The following DMD variants were observed in gnomAD, a reference collection of about 807,000 sequenced individuals.
The protein encoded by DMD is dystrophin, also known as mutant dystrophin.
Under a neutral mutation model 330.1 loss-of-function variants are expected in DMD, and 63 were observed. The ratio of observed to expected loss-of-function variants is 0.19; its 90% CI spans 0.16 to 0.24. The LOEUF is 0.24. Among genes scored for constraint, DMD ranks in the 10% least tolerant of loss-of-function variants. DMD has a pLI of 1.00. For missense variants in DMD, 3,344 were observed against 2,684.1 expected (o/e 1.25, Z -5.43); for synonymous variants, 1,223 against 959.8 (o/e 1.27, Z -5.07).
At chrX:32,950,749 C>A (rs67271007) in intron 2 of DMD, among the ~76,000 whole-genome samples, 41,476 of 109,698 alleles carry the variant, frequency 0.38, 6,745 homozygotes, top group African/African-American at 0.63. Context: ...TCAGAAGGAC[C>A]GGAGACAGGT....
At chrX:32,470,985 G>A (rs1246897310) in intron 22 of DMD, among the ~76,000 whole-genome samples, 1 of 111,641 alleles carries the variant, frequency 9.0e-6, no homozygotes, top group South Asian at 3.7e-4. Context: ...TTTATAATAA[G>A]TAGGAAAAGG....
chrX:31,423,339 T>C (rs1359589268), intron 60 of DMD, among the ~76,000 whole-genome samples: 1 of 111,382 alleles, frequency 9.0e-6, no homozygotes, highest in East Asian at 2.8e-4. Context: ...TTAACTTGGT[T>C]TAAAAACACA....
chrX:31,853,151 TG>T (rs1158980520), intron 48 of DMD, among the ~76,000 whole-genome samples: 1 of 112,912 alleles, frequency 8.9e-6, no homozygotes, highest in East Asian at 2.8e-4. Flanking sequence ...CTCAAAGTGC[TG>T]GGATTACAGG....
intron 64 of DMD, among the ~76,000 whole-genome samples, chrX:31,216,192 G>A (rs751669249): frequency 8.9e-6 from 1 of 112,404 alleles, no homozygotes; most frequent in African/African-American, 3.2e-5. Flanking sequence ...CGCACTTCAA[G>A]GGCATCCAAT....
intron 16 of DMD, among the ~76,000 whole-genome samples, chrX:32,548,384 A>T (rs2049184550): frequency 8.9e-6 from 1 of 111,796 alleles, no homozygotes; most frequent in Admixed American, 9.5e-5. Flanking sequence ...CTCAGCTAGC[A>T]TTTTAACATT....
intron 50 of DMD, among the ~76,000 whole-genome samples, chrX:31,807,700 G>C (rs992942508): frequency 2.3e-4 from 26 of 112,060 alleles, no homozygotes; most frequent in African/African-American, 8.4e-4. Flanking sequence ...TAGATGTCAT[G>C]CAAAACGGAA....
chrX:31,138,426 T>C (rs1434937399), intron 76 of DMD, among the ~76,000 whole-genome samples: 1 of 111,311 alleles, frequency 9.0e-6, no homozygotes, highest in Non-Finnish European at 1.9e-5. Flanking sequence ...ACTATGTAGC[T>C]ACAACATAAT....
intron 2 of DMD, among the ~76,000 whole-genome samples, chrX:32,948,823 T>A (rs927378819): frequency 8.9e-6 from 1 of 111,903 alleles, no homozygotes; most frequent in Non-Finnish European, 1.9e-5. Flanking sequence ...GCAATAATAT[T>A]TATGCAGCAT....
intron 62 of DMD, among the ~76,000 whole-genome samples, chrX:31,307,288 A>G (rs2055113180): frequency 8.9e-6 from 1 of 112,028 alleles, no homozygotes; most frequent in African/African-American, 3.2e-5. Flanking sequence ...AAGTGAAAAC[A>G]AGATTAGTAT....
At chrX:31,358,101 T>C (rs1602128021) in intron 60 of DMD, among the ~76,000 whole-genome samples, 1 of 108,035 alleles carries the variant, frequency 9.3e-6, no homozygotes, top group East Asian at 3.0e-4. Context: ...TCCTCTTCTC[T>C]CCCCCTGCCT....
intron 12 of DMD, among the ~76,000 whole-genome samples, chrX:32,613,081 C>G (rs757552895): frequency 3.6e-5 from 4 of 111,596 alleles, no homozygotes; most frequent in Admixed American, 2.9e-4. Flanking sequence ...AGCCATAAAT[C>G]CAAAAACCAC....
At chrX:32,739,860 C>T (rs2148163779) in intron 7 of DMD, among the ~76,000 whole-genome samples, 1 of 110,421 alleles carries the variant, frequency 9.1e-6, no homozygotes, top group South Asian at 3.9e-4. Flanking sequence ...GGATGAGAAA[C>T]TCAGGGGGTG....
chrX:31,495,084 A>G (rs1318897368), intron 57 of DMD, among the ~76,000 whole-genome samples: 1 of 111,387 alleles, frequency 9.0e-6, no homozygotes, highest in African/African-American at 3.3e-5. Flanking sequence ...ACAAAAGCTA[A>G]TTTAATATTC....
chrX:31,897,385 G>C (rs2094354685), intron 47 of DMD, among the ~76,000 whole-genome samples: 1 of 106,454 alleles, frequency 9.4e-6, no homozygotes, highest in East Asian at 2.9e-4. Flanking sequence ...ATAAACATAC[G>C]TGTGCATGTG....
At chrX:31,981,656 G>A (rs2095476692) in intron 44 of DMD, among the ~76,000 whole-genome samples, 1 of 111,420 alleles carries the variant, frequency 9.0e-6, no homozygotes, top group South Asian at 3.8e-4. Context: ...GGATAGAGAC[G>A]ACACAGAAAG....
chrX:32,850,958 A>G (rs1488624470), intron 2 of DMD, among the ~76,000 whole-genome samples: 1 of 111,842 alleles, frequency 8.9e-6, no homozygotes, highest in Non-Finnish European at 1.9e-5. Flanking sequence ...ACTATTACAT[A>G]GAAGCATTAG....
intron 44 of DMD, among the ~76,000 whole-genome samples, chrX:32,117,598 T>G (rs1171841025): frequency 8.9e-6 from 1 of 112,013 alleles, no homozygotes; most frequent in African/African-American, 3.3e-5. Context: ...GAGCTGACAT[T>G]AAGTAGCTTC....
At position 32,514,699 on chromosome X, in the gene DMD, C is replaced by A. The variant is rs759862371; in HGVS notation, c.2292+3309G>T. Among the ~76,000 whole-genome samples the A allele has an allele frequency of 9.8e-5, 11 of 112,538 alleles. No homozygotes were observed. In the South Asian group the frequency reaches 1.8e-3, roughly 19 times the overall value. On this transcript the variant is annotated intron_variant, in intron 18 of 78. Transcript: ENST00000357033. ...GAGCTTGCAGTGAGCCGAGATCGCGCCACTGCACTCCCGCCTGGGACAGAG... is the reference window on the plus strand; with the variant it reads ...GAGCTTGCAGTGAGCCGAGATCGCGACACTGCACTCCCGCCTGGGACAGAG...
At chrX:31,659,216 C>A (rs937590094) in intron 53 of DMD, among the ~76,000 whole-genome samples, 4 of 111,571 alleles carry the variant, frequency 3.6e-5, no homozygotes, top group Non-Finnish European at 7.5e-5. Flanking sequence ...GCAATAGATA[C>A]CAAGTGACAT....
Sources: allele counts gnomAD v4.1 joint callset (sites outside exome capture counted in the v4.1 genomes callset), GRCh38; gene constraint gnomAD v4.1.1; transcripts MANE v1.5; gene names NCBI Gene and HGNC (gene_info 2026-07-23, HGNC 2026-07-21).